Variants in KNTC1 observed in about 807,000 individuals in gnomAD.
The protein encoded by KNTC1 is kinetochore associated 1, also known as kinetochore-associated protein 1.
In KNTC1, 253 loss-of-function variants were observed where a neutral mutation model predicts 314.4. The observed-to-expected ratio is 0.80, with a 90% CI of 0.73 to 0.89. The LOEUF (loss-of-function observed/expected upper bound fraction) is 0.89. Ranked by LOEUF, KNTC1 falls within the 40% of genes least tolerant of loss-of-function variation. The pLI is 0.00. For synonymous variants in KNTC1, 901 were observed against 901.4 expected (o/e 1.00, Z 0.01); for missense variants, 2,475 against 2,572.9 (o/e 0.96, Z 0.82).
intron 51 of KNTC1, among the ~76,000 whole-genome samples, chr12:122,606,787 C>T (rs562424094): frequency 2.6e-5 from 4 of 151,812 alleles, no homozygotes; most frequent in South Asian, 2.1e-4. Context: ...GATACTCTTA[C>T]GATATTTTTC....
At chr12:122,605,901 G>T (rs1006024845) in intron 51 of KNTC1, among the ~76,000 whole-genome samples, 1 of 151,854 alleles carries the variant, frequency 6.6e-6, no homozygotes, top group African/African-American at 2.4e-5. Flanking sequence ...AAGTGCAATG[G>T]CACAATCATG....
In KNTC1 at chr12:122,624,506, C is replaced by T. The variant is rs1874796982; in HGVS notation, c.6516-92C>T. On this transcript the variant is annotated intron_variant, in intron 62 of 63. Coordinates refer to ENST00000333479, the MANE Select transcript of KNTC1 (RefSeq NM_014708.6). Reference sequence around the variant, plus strand: ...TAGTCTCAAACTCCTGGACCCAAGCCATCTGTACATCTTGGCCTCCCTGAG... The same window carrying T: ...TAGTCTCAAACTCCTGGACCCAAGCTATCTGTACATCTTGGCCTCCCTGAG... 9 of 776,980 alleles carry T rather than the reference C, an allele frequency of 1.2e-5. No homozygotes were observed. In the South Asian group the frequency reaches 1.5e-4, roughly 13 times the overall value. 48.1% of individuals were successfully genotyped at this position (776,980 alleles called of 1,614,324 possible). A position where few individuals can be genotyped will look rare whatever the true frequency, so the allele number is the denominator to read the frequency against.
intron 50 of KNTC1, 33 bp from the exon 51 acceptor site, chr12:122,605,273 G>T: frequency 7.2e-7 from 1 of 1,391,074 alleles, no homozygotes; most frequent in South Asian, 1.3e-5. Flanking sequence ...TTTAAAACTT[G>T]AGTTTTTCTT....
intron 31 of KNTC1, 136 bp downstream of exon 31, chr12:122,577,927 G>C: frequency 1.3e-6 from 1 of 750,476 alleles, no homozygotes; most frequent in East Asian, 3.3e-5. Context: ...AAAATTCCTG[G>C]GTAAATTTAC....
chr12:122,536,656 A>T (rs1004620697), intron 3 of KNTC1, among the ~76,000 whole-genome samples: 14 of 151,390 alleles, frequency 9.2e-5, no homozygotes, highest in African/African-American at 3.4e-4. Flanking sequence ...AGTAGCTGGG[A>T]GTACAGGCGC....
At chr12:122,557,174 A>C (rs1262087072) in intron 16 of KNTC1, among the ~76,000 whole-genome samples, 5 of 152,170 alleles carry the variant, frequency 3.3e-5, no homozygotes, top group Admixed American at 2.6e-4. Context: ...CACGTTTAGT[A>C]AGGACTCAAC....
At chr12:122,530,226 G>A (rs1381251404) in intron 2 of KNTC1, 34 bp downstream of exon 2, 1 of 1,599,110 alleles carries the variant, frequency 6.3e-7, no homozygotes, top group Non-Finnish European at 8.5e-7. Flanking sequence ...TTCATTCACA[G>A]AATTTTTACT....
chr12:122,605,362 G>A lies in KNTC1; in HGVS notation c.5443G>A (p.Val1815Ile). 3 of 1,606,668 alleles carry A rather than the reference G, an allele frequency of 1.9e-6. No homozygotes were observed. The highest frequency in any genetic ancestry group is 2.6e-6 in the Non-Finnish European group (3 of 1,176,354). The change falls in exon 51 of 64, where the codon GTC (valine) becomes ATC (isoleucine). Residue 1815 changes from valine to isoleucine, a missense_variant. Coordinates refer to ENST00000333479, the MANE Select transcript of KNTC1 (RefSeq NM_014708.6). ...AEVNEINLEK[V>I]WDMLLEKWLC... Reference sequence around the variant, plus strand: ...AGTCAATGAAATTAATTTGGAAAAAGTCTGGGACATGTTGTTGGAAAAATG... The same window carrying A: ...AGTCAATGAAATTAATTTGGAAAAAATCTGGGACATGTTGTTGGAAAAATG...
At chr12:122,563,006 C>CT (rs1964083968) in intron 20 of KNTC1, among the ~76,000 whole-genome samples, 1 of 132,764 alleles carries the variant, frequency 7.5e-6, no homozygotes, top group East Asian at 2.2e-4. Flanking sequence ...AAGACTCGGT[C>CT]TCAAAAAAAA....
chr12:122,549,412 C>G (rs1963031328), intron 12 of KNTC1, among the ~76,000 whole-genome samples: 1 of 151,906 alleles, frequency 6.6e-6, no homozygotes, highest in South Asian at 2.1e-4. Flanking sequence ...TGCAGTGGCA[C>G]AATCTCGGCT....
chr12:122,610,776 C>T (rs1371702391), intron 52 of KNTC1, 46 bp from the exon 53 acceptor site: 7 of 1,200,184 alleles, frequency 5.8e-6, no homozygotes, highest in African/African-American at 3.0e-5. Context: ...TTTTGGTAAT[C>T]CATCACTAAA....
chr12:122,618,625 A>C, intron 59 of KNTC1, 80 bp downstream of exon 59: 1 of 1,028,214 alleles, frequency 9.7e-7, no homozygotes. Context: ...ATCTCTAATG[A>C]GTAATTCCTT....
chr12:122,602,703 A>G lies in KNTC1; in HGVS notation c.4788A>G (p.Ile1596Met), dbSNP rs1300425498. The change falls in exon 46 of 64, where the codon ATA becomes ATG. Residue 1596 changes from isoleucine to methionine, a missense_variant. Transcript: ENST00000333479. ...AAACTAGACTGCCTTTTCACCTGAT[A>G]TTCTTTGGCACAGCACAGAACTTCT... Reference protein sequence around the residue: ...AAQTRLPFHLIFFGTAQNFWK... With the variant: ...AAQTRLPFHLMFFGTAQNFWK... 6.2e-7 allele frequency: 1 copy of G among 1,613,982 alleles called. No homozygotes were observed. The highest frequency in any genetic ancestry group is 1.3e-5 in the African/African-American group (1 of 75,066).
intron 8 of KNTC1, among the ~76,000 whole-genome samples, chr12:122,545,347 G>C (rs1962677136): frequency 2.0e-5 from 3 of 151,926 alleles, no homozygotes; most frequent in Admixed American, 2.0e-4. Flanking sequence ...GGCTGCAGTA[G>C]CTCTGATCAC....
chr12:122,557,708 A>G lies in KNTC1; in HGVS notation c.1488+19A>G, dbSNP rs369210985. ...AACCAGGGTAGGTTCGTTTTTTTGT[A>G]TTTTGTTTTTTTGGGGCAGGGGAGA... On this transcript the variant is annotated intron_variant, in intron 18 of 63. Transcript: ENST00000333479. 6.0e-5 allele frequency: 96 copies of G among 1,591,086 alleles called. No homozygotes were observed. The African/African-American group carries it at 1.2e-3, about 19-fold the overall frequency.
At chr12:122,546,121 AG>A in intron 8 of KNTC1, 54 bp from the exon 9 acceptor site, 1 of 988,650 alleles carries the variant, frequency 1.0e-6, no homozygotes, top group Non-Finnish European at 1.6e-6. Flanking sequence ...ACTTTGAGGA[AG>A]GCTCAGGTCT....
At position 122,613,885 on chromosome 12, in the gene KNTC1, G is replaced by T. The variant is rs550013677; in HGVS notation, c.5877+124G>T. 115 of 995,876 alleles carry T rather than the reference G, an allele frequency of 1.2e-4. No individual in the cohort carries two copies. In the East Asian group the frequency reaches 3.4e-3, roughly 29 times the overall value. The allele number at this position is 995,876 out of a possible 1,614,324, so 61.7% of individuals were successfully genotyped here. A position where few individuals can be genotyped will look rare whatever the true frequency, so the allele number is the denominator to read the frequency against. Reference sequence around the variant, plus strand: ...GGACAGAGTTTTGCTCTGTTGCCCAGGCTGGAGTACAGTGGTGTGATCTCA... The same window carrying T: ...GGACAGAGTTTTGCTCTGTTGCCCATGCTGGAGTACAGTGGTGTGATCTCA... On this transcript the variant is annotated intron_variant, in intron 55 of 63. Transcript: ENST00000333479.
In KNTC1 at chr12:122,541,008, CA is replaced by C. The variant is rs372793616; in HGVS notation, c.446-1036del. ...TAATATAGAGAGACCGCCACCTCTA[CA>C]AAAAATAAAAAATTAGCCACATGTG... On this transcript the variant is annotated intron_variant, in intron 5 of 63. Coordinates refer to ENST00000333479, the MANE Select transcript of KNTC1 (RefSeq NM_014708.6). Among the ~76,000 whole-genome samples, 86 of 151,902 alleles carry C rather than the reference CA, an allele frequency of 5.7e-4. 3 individuals carry two copies. In the South Asian group the frequency reaches 0.017, roughly 30 times the overall value.
chr12:122,589,231 GTTAT>G (rs1869804212), intron 40 of KNTC1, among the ~76,000 whole-genome samples: 1 of 151,746 alleles, frequency 6.6e-6, no homozygotes, highest in Non-Finnish European at 1.5e-5. Context: ...CCACTCTGTA[GTTAT>G]TTATTTTACA....
Sources: allele counts gnomAD v4.1 joint callset (sites outside exome capture counted in the v4.1 genomes callset), GRCh38; gene constraint gnomAD v4.1.1; transcripts MANE v1.5; gene names NCBI Gene and HGNC (gene_info 2026-07-23, HGNC 2026-07-21).